ATP8B4: variants seen among roughly 807,000 people sequenced by gnomAD.
ATP8B4 encodes the protein probable phospholipid-transporting ATPase IM.
In ATP8B4, 133 loss-of-function variants were observed where a neutral mutation model predicts 145.6. The observed-to-expected ratio is 0.91, with a 90% CI of 0.79 to 1.05. The LOEUF (loss-of-function observed/expected upper bound fraction) is 1.05, where lower values mean the gene tolerates loss of function less well. Ranked by LOEUF, ATP8B4 falls within the 50% of genes least tolerant of loss-of-function variation. The probability of loss-of-function intolerance (pLI) is 0.00; values close to 1 mark genes in which losing one functional copy is unlikely to be tolerated. For synonymous variants in ATP8B4, 507 were observed against 492.9 expected (o/e 1.03, Z -0.38); for missense variants, 1,458 against 1,425.2 (o/e 1.02, Z -0.37).
chr15:49,967,570 G>A (rs2044670432), intron 13 of ATP8B4, among the ~76,000 whole-genome samples: 1 of 152,080 alleles, frequency 6.6e-6, no homozygotes, highest in Admixed American at 6.6e-5. Flanking sequence ...GAAAAGATTA[G>A]AGAAAAAAGA....
intron 17 of ATP8B4, 34 bp downstream of exon 17, chr15:49,923,345 G>A (rs770063822): frequency 1.4e-6 from 2 of 1,438,634 alleles, no homozygotes; most frequent in South Asian, 2.4e-5. Flanking sequence ...TGGCAAAAGG[G>A]CCATTGTGCT....
chr15:49,972,639 T>G lies in ATP8B4; in HGVS notation c.1186A>C (p.Thr396Pro). ...IEYIFSDKTG[T>P]LTQNIMTFKR... ...AAGGTCATGATGTTTTGAGTGAGGG[T>G]ACCCGTTTTGTCGGAGAAAATGTAC... Residue 396 changes from threonine to proline, a missense_variant, in exon 13 of 28, where the codon ACC becomes CCC. Physicochemically the swap from Thr to Pro is conservative, Grantham distance 38. Transcript: ENST00000284509. 1 of 1,613,972 alleles carries G rather than the reference T, an allele frequency of 6.2e-7. No individual in the cohort carries two copies. Among genetic ancestry groups the G allele is most frequent in the Non-Finnish European group, 8.5e-7 (1 of 1,179,974 alleles).
At chr15:50,088,689 C>T (rs1391500674) in intron 2 of ATP8B4, among the ~76,000 whole-genome samples, 12 of 152,154 alleles carry the variant, frequency 7.9e-5, no homozygotes, top group African/African-American at 2.4e-4. Context: ...GCCCCGCCCC[C>T]GACCAGAATG....
chr15:50,132,437 G>A (rs931852279), intron 1 of ATP8B4, among the ~76,000 whole-genome samples: 16 of 152,108 alleles, frequency 1.1e-4, no homozygotes, highest in African/African-American at 3.4e-4. Context: ...TTAGAATGGC[G>A]ATCATTAAAA....
At chr15:50,139,957 G>A (rs2044184689) in intron 1 of ATP8B4, among the ~76,000 whole-genome samples, 2 of 152,196 alleles carry the variant, frequency 1.3e-5, no homozygotes, top group East Asian at 1.9e-4. Context: ...ATAAATGGGA[G>A]GTAAGCTATG....
chr15:50,010,525 A>G (rs2048653392), intron 7 of ATP8B4, among the ~76,000 whole-genome samples: 1 of 152,074 alleles, frequency 6.6e-6, no homozygotes, highest in South Asian at 2.1e-4. Context: ...CAGACTTTTT[A>G]AAGTACTCAG....
Position 49,897,354 on chromosome 15 carries a change from T to C in ATP8B4, c.2635A>G (p.Lys879Glu). ...TGCACAAGTGTAAATGCAAAATTCT[T>C]ATAGAAGAAATAGCATAAGAATTTG... ...MCKFLCYFFY[K>E]NFAFTLVHFW... Residue 879 changes from lysine (K) to glutamate (E), a missense_variant, in exon 23 of 28, where the codon AAG becomes GAG. Physicochemically the swap from Lys to Glu is moderately conservative, Grantham distance 56. Transcript: ENST00000284509. The C allele has an allele frequency of 1.9e-6, 3 of 1,613,900 alleles. No homozygotes were observed. Among genetic ancestry groups the C allele is most frequent in the Non-Finnish European group, 2.5e-6 (3 of 1,179,884 alleles).
At chr15:50,006,034 G>A (rs532263865) in intron 7 of ATP8B4, among the ~76,000 whole-genome samples, 1 of 151,854 alleles carries the variant, frequency 6.6e-6, no homozygotes, top group Non-Finnish European at 1.5e-5. Flanking sequence ...CTCATGCATT[G>A]AGTCAAAAAA....
chr15:49,994,755 A>G (rs1293691791), intron 9 of ATP8B4, among the ~76,000 whole-genome samples: 2 of 152,060 alleles, frequency 1.3e-5, no homozygotes, highest in Non-Finnish European at 2.9e-5. Context: ...CTCCTTATGC[A>G]TTATCCTGGC....
intron 1 of ATP8B4, among the ~76,000 whole-genome samples, chr15:50,150,773 A>C (rs1389283279): frequency 6.6e-6 from 1 of 152,274 alleles, no homozygotes; most frequent in Non-Finnish European, 1.5e-5. Context: ...TTAAAATAAG[A>C]AAATACAACA....
At chr15:50,022,900 T>C (rs1296356805) in intron 6 of ATP8B4, among the ~76,000 whole-genome samples, 1 of 152,264 alleles carries the variant, frequency 6.6e-6, no homozygotes, top group Admixed American at 6.5e-5. Context: ...CCTTCATTAT[T>C]CATTGGCACT....
chr15:49,952,119 C>CT (rs1358558048), intron 14 of ATP8B4, among the ~76,000 whole-genome samples: 1 of 152,110 alleles, frequency 6.6e-6, no homozygotes, highest in East Asian at 1.9e-4. Flanking sequence ...TCTGGCTGCC[C>CT]TTAGCAGTTT....
chr15:50,021,475 G>C (rs1020774582), intron 6 of ATP8B4, among the ~76,000 whole-genome samples: 1 of 152,106 alleles, frequency 6.6e-6, no homozygotes, highest in Non-Finnish European at 1.5e-5. Context: ...AGCCACAGTA[G>C]ACATCTTACT....
intron 1 of ATP8B4, among the ~76,000 whole-genome samples, chr15:50,132,489 G>A (rs1323039610): frequency 1.3e-5 from 2 of 152,162 alleles, no homozygotes; most frequent in Non-Finnish European, 2.9e-5. Flanking sequence ...TGGAGAAATA[G>A]GAACGCTTTT....
chr15:49,918,925 T>G lies in ATP8B4; in HGVS notation c.1949A>C (p.Asp650Ala), dbSNP rs758057156. The change falls in exon 19 of 28, where the codon GAT becomes GCT. Residue 650 changes from aspartate to alanine, a missense_variant. By Grantham distance (126) the Asp-to-Ala change is moderately radical. Coordinates refer to ENST00000284509, the MANE Select transcript of ATP8B4 (RefSeq NM_024837.4). ...TTCAATAACACCCTCCTGTAACTTA[T>G]CTTCTACAGCAGTGGCACCTAGTAG... ...LMLLGATAVE[D>A]KLQEGVIETV... 1 of 1,613,470 alleles carries G rather than the reference T, an allele frequency of 6.2e-7. No individual in the cohort carries two copies. Among genetic ancestry groups the G allele is most frequent in the African/African-American group, 1.3e-5 (1 of 75,056 alleles).
At chr15:50,138,525 C>T (rs1322459599) in intron 1 of ATP8B4, among the ~76,000 whole-genome samples, 1 of 152,010 alleles carries the variant, frequency 6.6e-6, no homozygotes. Context: ...CATTGGTTAC[C>T]CACACCTAAA....
At chr15:49,932,296 A>C (rs7350791) in intron 15 of ATP8B4, among the ~76,000 whole-genome samples, 57,464 of 151,554 alleles carry the variant, frequency 0.38, 11,518 homozygotes, top group African/African-American at 0.43. Flanking sequence ...TGAAATGATA[A>C]ACACTAGATG....
intron 6 of ATP8B4, among the ~76,000 whole-genome samples, chr15:50,026,093 C>T (rs1483516436): frequency 6.6e-6 from 1 of 152,200 alleles, no homozygotes; most frequent in Non-Finnish European, 1.5e-5. Flanking sequence ...CATTTTGTAA[C>T]TTTCAGATCC....
chr15:50,170,485 C>G (rs1048848908), intron 1 of ATP8B4, among the ~76,000 whole-genome samples: 3 of 101,566 alleles, frequency 3.0e-5, no homozygotes, highest in Admixed American at 1.1e-4. Context: ...AGAGAATTCA[C>G]CATTACCAAA....
Sources: gnomAD v4.1 joint callset for allele counts (sites outside exome capture counted in the v4.1 genomes callset) on GRCh38, gnomAD v4.1.1 for gene constraint, MANE v1.5 for transcripts, NCBI Gene and HGNC (gene_info 2026-07-23, HGNC 2026-07-21) for gene names.